PCDHA4: variants seen among roughly 807,000 people sequenced by gnomAD.
PCDHA4 encodes the protein protocadherin alpha-4.
In PCDHA4, 49 loss-of-function variants were observed where a neutral mutation model predicts 61.4. The ratio of observed to expected loss-of-function variants is 0.80; its 90% CI spans 0.63 to 1.01. The LOEUF is 1.01. PCDHA4 is among the 50% of genes least tolerant of loss of function. PCDHA4 has a pLI of 0.00. For missense variants in PCDHA4, 1,254 were observed against 1,235.8 expected (o/e 1.01, Z -0.22); for synonymous variants, 590 against 550.3 (o/e 1.07, Z -1.01).
At chr5:140,824,211 A>C (rs1238500451) in intron 1 of PCDHA4, 1 of 1,581,562 alleles carries the variant, frequency 6.3e-7, no homozygotes, top group East Asian at 2.2e-5. Context: ...TTTTGTATTT[A>C]AAAATTATGT....
intron 1 of PCDHA4, among the ~76,000 whole-genome samples, chr5:140,948,548 A>G (rs1300192349): frequency 6.6e-6 from 1 of 151,532 alleles, no homozygotes; most frequent in Non-Finnish European, 1.5e-5. Flanking sequence ...TGCTCTGTCA[A>G]TTTTGTTAAG....
chr5:140,928,698 G>A, intron 1 of PCDHA4: 1 of 1,614,148 alleles, frequency 6.2e-7, no homozygotes, highest in East Asian at 2.2e-5. Context: ...ACATCTCCCG[G>A]GCGTCTGACT....
At chr5:140,823,872 G>C in intron 1 of PCDHA4, 1 of 1,613,916 alleles carries the variant, frequency 6.2e-7, no homozygotes, top group Non-Finnish European at 8.5e-7. Flanking sequence ...ACGTGTACCT[G>C]ATCATCGCCA....
At chr5:140,844,055 G>A (rs1371474280) in intron 1 of PCDHA4, among the ~76,000 whole-genome samples, 1 of 149,532 alleles carries the variant, frequency 6.7e-6, no homozygotes, top group Non-Finnish European at 1.5e-5. Flanking sequence ...TTCCCCCAAA[G>A]CGTTTATTCT....
chr5:140,896,227 A>G (rs1332090647), intron 1 of PCDHA4, among the ~76,000 whole-genome samples: 1 of 152,230 alleles, frequency 6.6e-6, no homozygotes, highest in Non-Finnish European at 1.5e-5. Flanking sequence ...TCTTTATAGT[A>G]GAATGACTTA....
intron 1 of PCDHA4, chr5:140,828,238 G>A (rs2150152865): frequency 3.7e-6 from 6 of 1,613,818 alleles, no homozygotes; most frequent in Non-Finnish European, 5.1e-6. Context: ...GCCGGATCGC[G>A]CAGGACCTGG....
Position 140,857,753 on chromosome 5 carries a change from G to C in PCDHA4, c.2385+48181G>C, listed in dbSNP as rs782054220. 1.3e-5 allele frequency: 20 copies of C among 1,597,296 alleles called. No individual in the cohort carries two copies. The East Asian group carries it at 4.5e-4, about 36-fold the overall frequency. On this transcript the variant is annotated intron_variant, in intron 1 of 3. Coordinates refer to ENST00000530339, the MANE Select transcript of PCDHA4 (RefSeq NM_018907.4). ...CGCTCCCGCGCTGCTGGCGTCTCCC[G>C]CTGGCAGCGCGGGCGGTGCAGTCAG... is the stretch of plus-strand genomic sequence containing the variant.
chr5:140,833,293 A>G (rs1772396864), intron 1 of PCDHA4, among the ~76,000 whole-genome samples: 2 of 152,200 alleles, frequency 1.3e-5, no homozygotes, highest in Non-Finnish European at 2.9e-5. Context: ...AAGCATCTGA[A>G]TACAGACATA....
intron 1 of PCDHA4, among the ~76,000 whole-genome samples, chr5:140,872,031 C>A (rs1383565952): frequency 6.6e-6 from 1 of 152,220 alleles, no homozygotes; most frequent in Non-Finnish European, 1.5e-5. Context: ...AACTGCTAAG[C>A]TCAAAGAATT....
Position 140,854,000 on chromosome 5 carries a change from C to T in PCDHA4, c.2385+44428C>T, listed in dbSNP as rs1437337577. 5 of 352,352 alleles carry T rather than the reference C, an allele frequency of 1.4e-5. No homozygotes were observed. The East Asian group carries it at 8.5e-4, about 60-fold the overall frequency. 21.8% of individuals were successfully genotyped at this position (352,352 alleles called of 1,614,324 possible). ...CCAATGTAGTGAGACTCATCTCTGC[C>T]AAAAAAAAAAAATTAGCCGGGCATG... On this transcript the variant is annotated intron_variant, in intron 1 of 3. Coordinates refer to ENST00000530339, the MANE Select transcript of PCDHA4 (RefSeq NM_018907.4).
At chr5:140,887,029 T>C (rs1308343052) in intron 1 of PCDHA4, among the ~76,000 whole-genome samples, 1 of 152,140 alleles carries the variant, frequency 6.6e-6, no homozygotes, top group Non-Finnish European at 1.5e-5. Flanking sequence ...AAAAATTTCT[T>C]TAATATTTTT....
At chr5:140,823,955 C>A (rs2150130710) in intron 1 of PCDHA4, 1 of 1,614,042 alleles carries the variant, frequency 6.2e-7, no homozygotes, top group Non-Finnish European at 8.5e-7. Flanking sequence ...GCGCAGCCCA[C>A]CGAGGCCGTG....
At position 140,809,763 on chromosome 5, in the gene PCDHA4, T is replaced by C. The variant is rs186235899; in HGVS notation, c.2385+191T>C. ...TATATTGCCTTCCTTCATTTTATGC[T>C]GCATTATTCAATGCATATTAACAGA... On this transcript the variant is annotated intron_variant, in intron 1 of 3. Transcript: ENST00000530339. The C allele has an allele frequency of 3.8e-4, 230 of 599,182 alleles. 1 individual carries two copies. The highest frequency in any genetic ancestry group is 9.1e-4 in the Middle Eastern group (2 of 2,206). 37.1% of individuals were successfully genotyped at this position (599,182 alleles called of 1,614,324 possible).
At chr5:140,958,995 T>G (rs868959473) in intron 1 of PCDHA4, among the ~76,000 whole-genome samples, 1 of 152,148 alleles carries the variant, frequency 6.6e-6, no homozygotes, top group African/African-American at 2.4e-5. Flanking sequence ...TGCTAATCTT[T>G]TACTGTACCT....
intron 1 of PCDHA4, chr5:140,817,519 AT>A (rs1269969982): frequency 6.6e-6 from 1 of 152,064 alleles, no homozygotes; most frequent in Non-Finnish European, 1.5e-5. Context: ...TATTTTATTG[AT>A]TTCCTCTTTT....
chr5:140,966,945 A>C, intron 1 of PCDHA4: 1 of 1,603,804 alleles, frequency 6.2e-7, no homozygotes, highest in Non-Finnish European at 8.5e-7. Context: ...CTCGTGGGCA[A>C]CGTGGCTCGC....
chr5:140,850,213 C>G (rs2041430498), intron 1 of PCDHA4: 1 of 1,593,510 alleles, frequency 6.3e-7, no homozygotes, highest in Admixed American at 1.7e-5. Flanking sequence ...ATGAGGGGCA[C>G]TGACGGCGCA....
chr5:140,886,498 C>T (rs1415505049), intron 1 of PCDHA4, among the ~76,000 whole-genome samples: 1 of 151,920 alleles, frequency 6.6e-6, no homozygotes, highest in African/African-American at 2.4e-5. Context: ...ATATCTTTTT[C>T]CTTTTATGGA....
intron 3 of PCDHA4, among the ~76,000 whole-genome samples, chr5:140,986,055 T>C (rs2097185833): frequency 6.6e-6 from 1 of 152,164 alleles, no homozygotes; most frequent in African/African-American, 2.4e-5. Context: ...ATGAATTCTT[T>C]TGCTTTTTAA....
Sources: allele counts gnomAD v4.1 joint callset (sites outside exome capture counted in the v4.1 genomes callset), GRCh38; gene constraint gnomAD v4.1.1; transcripts MANE v1.5; gene names NCBI Gene and HGNC (gene_info 2026-07-23, HGNC 2026-07-21).